Variants in ZBTB20 observed in about 807,000 individuals in gnomAD.
ZBTB20 encodes zinc finger and BTB domain containing 20.
A neutral mutation model predicts 56.9 loss-of-function variants in ZBTB20; 9 were observed. That is an observed-to-expected ratio of 0.16 (90% confidence interval 0.10 to 0.28). The LOEUF is 0.28. Ranked by LOEUF, ZBTB20 falls within the 10% of genes least tolerant of loss-of-function variation. The pLI is 1.00. For missense variants in ZBTB20, 655 were observed against 1,003.0 expected (o/e 0.65, Z 4.69); for synonymous variants, 417 against 420.7 (o/e 0.99, Z 0.11).
chr3:114,685,612 G>A (rs1282956890), intron 6 of ZBTB20, among the ~76,000 whole-genome samples: 1 of 152,168 alleles, frequency 6.6e-6, no homozygotes, highest in African/African-American at 2.4e-5. Flanking sequence ...ATGTAGGAAC[G>A]CTGTCTTGCA....
intron 6 of ZBTB20, among the ~76,000 whole-genome samples, chr3:114,530,840 G>C (rs1454200116): frequency 6.6e-6 from 1 of 151,930 alleles, no homozygotes; most frequent in African/African-American, 2.4e-5. Context: ...TTCATCCCTG[G>C]TTTCCTTAAT....
intron 5 of ZBTB20, among the ~76,000 whole-genome samples, chr3:114,704,662 C>T (rs1307748401): frequency 6.6e-6 from 1 of 152,106 alleles, no homozygotes; most frequent in African/African-American, 2.4e-5. Context: ...GCAGAAAAAT[C>T]TTCTGAAGGC....
At chr3:114,575,012 A>G (rs1028712402) in intron 6 of ZBTB20, among the ~76,000 whole-genome samples, 1 of 152,218 alleles carries the variant, frequency 6.6e-6, no homozygotes, top group Non-Finnish European at 1.5e-5. Flanking sequence ...AAAGGGCTTT[A>G]AAGTACATCA....
At chr3:114,523,753 T>C (rs576510752) in intron 6 of ZBTB20, among the ~76,000 whole-genome samples, 16 of 152,234 alleles carry the variant, frequency 1.1e-4, no homozygotes, top group African/African-American at 3.6e-4. Context: ...TTCTATTTTT[T>C]CAGTGAAGTA....
chr3:115,065,750 T>C (rs533242777), intron 2 of ZBTB20, among the ~76,000 whole-genome samples: 2 of 152,248 alleles, frequency 1.3e-5, no homozygotes, highest in Admixed American at 6.5e-5. Context: ...AGTGAGAAAA[T>C]GGAAACCCAA....
At chr3:114,421,626 G>T (rs2089183553) in intron 7 of ZBTB20, among the ~76,000 whole-genome samples, 2 of 152,038 alleles carry the variant, frequency 1.3e-5, no homozygotes, top group African/African-American at 4.8e-5. Flanking sequence ...AGTAGGTATA[G>T]GTTATCTTTT....
chr3:115,064,589 T>A (rs1437679774), intron 2 of ZBTB20, among the ~76,000 whole-genome samples: 1 of 151,756 alleles, frequency 6.6e-6, no homozygotes, highest in Non-Finnish European at 1.5e-5. Context: ...GTAGCTAGGA[T>A]TACAGGCATG....
At chr3:114,652,680 A>G (rs936784597) in intron 6 of ZBTB20, among the ~76,000 whole-genome samples, 3 of 152,034 alleles carry the variant, frequency 2.0e-5, no homozygotes, top group Admixed American at 1.3e-4. Context: ...TCTCATATAC[A>G]TTTTAAAATA....
chr3:114,495,135 A>G (rs893399738), intron 7 of ZBTB20, among the ~76,000 whole-genome samples: 7 of 152,236 alleles, frequency 4.6e-5, no homozygotes, highest in South Asian at 2.1e-4. Flanking sequence ...ACAACGCTCA[A>G]CAATATAACT....
intron 4 of ZBTB20, among the ~76,000 whole-genome samples, chr3:114,872,252 G>A (rs2076041194): frequency 6.6e-6 from 1 of 151,940 alleles, no homozygotes; most frequent in African/African-American, 2.4e-5. Flanking sequence ...GGAACACAAG[G>A]ATTAAAACCA....
intron 6 of ZBTB20, among the ~76,000 whole-genome samples, chr3:114,645,973 A>C (rs1406308230): frequency 6.6e-6 from 1 of 151,998 alleles, no homozygotes; most frequent in Non-Finnish European, 1.5e-5. Context: ...AAGCACAGAG[A>C]AGGTCAGAAA....
chr3:114,566,610 A>G (rs539872228), intron 6 of ZBTB20, among the ~76,000 whole-genome samples: 2 of 151,892 alleles, frequency 1.3e-5, no homozygotes, highest in East Asian at 3.9e-4. Flanking sequence ...TTTATTAGTC[A>G]CCTCCCAATC....
chr3:115,053,996 A>C (rs1203271967), intron 2 of ZBTB20, among the ~76,000 whole-genome samples: 1 of 152,126 alleles, frequency 6.6e-6, no homozygotes, highest in East Asian at 1.9e-4. Flanking sequence ...AAATTGTTTA[A>C]ATTAGTTCTT....
At chr3:114,628,964 AG>A (rs2107815143) in intron 6 of ZBTB20, among the ~76,000 whole-genome samples, 1 of 152,282 alleles carries the variant, frequency 6.6e-6, no homozygotes, top group East Asian at 1.9e-4. Context: ...GAAATATCTC[AG>A]GGTGTGCTAT....
chr3:114,475,170 A>C (rs946494969), intron 7 of ZBTB20, among the ~76,000 whole-genome samples: 6 of 152,080 alleles, frequency 3.9e-5, no homozygotes, highest in African/African-American at 1.4e-4. Flanking sequence ...TTACCCTTTG[A>C]TTCTTCCATG....
At chr3:114,429,102 C>G (rs2089931977) in intron 7 of ZBTB20, among the ~76,000 whole-genome samples, 1 of 152,064 alleles carries the variant, frequency 6.6e-6, no homozygotes, top group Non-Finnish European at 1.5e-5. Flanking sequence ...TTTTCACTAC[C>G]ATGGTCAAGA....
chr3:115,033,336 C>T (rs775153271), intron 2 of ZBTB20, among the ~76,000 whole-genome samples: 4 of 151,396 alleles, frequency 2.6e-5, no homozygotes, highest in Non-Finnish European at 5.9e-5. Flanking sequence ...TCTGAATAGA[C>T]CTATATAACT....
chr3:114,979,208 C>A (rs1009777464), intron 2 of ZBTB20, among the ~76,000 whole-genome samples: 2 of 151,922 alleles, frequency 1.3e-5, no homozygotes, highest in Non-Finnish European at 2.9e-5. Context: ...TTGGAGGTTA[C>A]ATTTATACTG....
At chr3:114,867,009 C>T (rs2075792536) in intron 4 of ZBTB20, among the ~76,000 whole-genome samples, 1 of 152,108 alleles carries the variant, frequency 6.6e-6, no homozygotes, top group African/African-American at 2.4e-5. Flanking sequence ...TAGTTTCTGA[C>T]ACCCAGAAAT....
Sources: gnomAD v4.1 joint callset for allele counts (sites outside exome capture counted in the v4.1 genomes callset) on GRCh38, gnomAD v4.1.1 for gene constraint, MANE v1.5 for transcripts, NCBI Gene and HGNC (gene_info 2026-07-23, HGNC 2026-07-21) for gene names.